The following GPM6B variants were observed in gnomAD, a reference collection of about 807,000 sequenced individuals.
The protein encoded by GPM6B is neuronal membrane glycoprotein M6-b.
In GPM6B, 4 loss-of-function variants were observed where a neutral mutation model predicts 27.2. The observed-to-expected ratio is 0.15, with a 90% CI of 0.07 to 0.34. The LOEUF is 0.34. Ranked by LOEUF, GPM6B falls within the 10% of genes least tolerant of loss-of-function variation. The pLI is 1.00. For missense variants in GPM6B, 183 were observed against 261.9 expected, an observed-to-expected ratio of 0.70 and a Z score of 2.08; for synonymous variants, 124 against 103.1, an observed-to-expected ratio of 1.20 and a Z score of -1.23.
At chrX:13,854,206 C>T (rs771576512) in intron 1 of GPM6B, among the ~76,000 whole-genome samples, 1 of 111,720 alleles carries the variant, frequency 9.0e-6, no homozygotes, top group African/African-American at 3.3e-5. Flanking sequence ...ACTCCAGGCA[C>T]TGCTGCAGGG....
chrX:13,777,828 T>C (rs1343492012), intron 5 of GPM6B, among the ~76,000 whole-genome samples: 1 of 112,048 alleles, frequency 8.9e-6, no homozygotes, highest in African/African-American at 3.2e-5. Flanking sequence ...AATGCTGTGG[T>C]CTGTGGCCTT....
chrX:13,871,094 CAAAACAAAACAAAACAAAACAA>C (rs2049971898), intron 1 of GPM6B, among the ~76,000 whole-genome samples: 1 of 35,875 alleles, frequency 2.8e-5, no homozygotes, highest in Non-Finnish European at 7.7e-5. Context: ...CAAAACAAAA[CAAAACAAAACAAAACAAAACAA>C]AAAAAAAAGA....
chrX:13,863,314 A>T (rs181868669), intron 1 of GPM6B, among the ~76,000 whole-genome samples: 79 of 111,688 alleles, frequency 7.1e-4, no homozygotes, highest in African/African-American at 2.3e-3. Context: ...ACATGCTAAG[A>T]CTATTGGGAA....
chrX:13,795,742 C>CTTTTT (rs146240939), intron 2 of GPM6B, among the ~76,000 whole-genome samples: 30 of 82,749 alleles, frequency 3.6e-4, no homozygotes, highest in Non-Finnish European at 4.2e-4. Context: ...AATTTCTTTT[C>CTTTTT]TTTTTTTTTT....
At chrX:13,918,003 C>G (rs2050444883) in intron 1 of GPM6B, among the ~76,000 whole-genome samples, 1 of 112,641 alleles carries the variant, frequency 8.9e-6, no homozygotes, top group Non-Finnish European at 1.9e-5. Flanking sequence ...ATTAAGATAG[C>G]CAGCTACTAT....
At position 13,921,572 on chromosome X, in the gene GPM6B, AC is replaced by A. The variant is rs1555932310; in HGVS notation, c.-198+16754del. ...GAGCAGTTTTGCAACCACATTTATA[AC>A]CCCCCCCCTTTTTTTTTTTTTAGAC... is the stretch of plus-strand genomic sequence containing the variant. On this transcript the variant is annotated intron_variant, in intron 1 of 6. Transcript: ENST00000398361. 1.7e-4 allele frequency among the ~76,000 whole-genome samples: 12 copies of A among 69,332 alleles called. No individual in the cohort carries two copies. In the South Asian group the frequency reaches 3.4e-3, roughly 20 times the overall value. The allele number at this position is 69,332 out of a possible 115,157, so 60.2% of individuals were successfully genotyped here.
At chrX:13,924,485 T>C (rs1012194176) in intron 1 of GPM6B, among the ~76,000 whole-genome samples, 2 of 110,233 alleles carry the variant, frequency 1.8e-5, no homozygotes, top group Admixed American at 9.7e-5. Flanking sequence ...TTTAGTTTAA[T>C]AGAAACAGGG....
At chrX:13,866,093 G>A (rs1050091167) in intron 1 of GPM6B, among the ~76,000 whole-genome samples, 1 of 112,030 alleles carries the variant, frequency 8.9e-6, no homozygotes, top group Admixed American at 9.4e-5. Context: ...GCCGGGCGCA[G>A]TGGCTCACGC....
intron 1 of GPM6B, among the ~76,000 whole-genome samples, chrX:13,931,106 C>T (rs1334157684): frequency 1.8e-5 from 2 of 111,675 alleles, no homozygotes; most frequent in African/African-American, 6.5e-5. Context: ...ATCGCTTGGA[C>T]CCAAGAGGCT....
intron 1 of GPM6B, among the ~76,000 whole-genome samples, chrX:13,897,140 A>C (rs1330961235): frequency 8.9e-6 from 1 of 112,192 alleles, no homozygotes; most frequent in Non-Finnish European, 1.9e-5. Flanking sequence ...TCAGTCTGTA[A>C]AGTCCCACTG....
intron 1 of GPM6B, among the ~76,000 whole-genome samples, chrX:13,919,469 G>A (rs1016289319): frequency 2.7e-5 from 3 of 112,083 alleles, no homozygotes; most frequent in Non-Finnish European, 5.6e-5. Flanking sequence ...TCACAAAGAT[G>A]TTAAAGATGC....
chrX:13,796,969 A>T (rs1204200628), intron 2 of GPM6B, among the ~76,000 whole-genome samples: 1 of 112,587 alleles, frequency 8.9e-6, no homozygotes, highest in Non-Finnish European at 1.9e-5. Flanking sequence ...AATCATGGAG[A>T]TCAATGGAGA....
In GPM6B at chrX:13,905,242, AAAAAG is replaced by A. The variant is rs1172216630; in HGVS notation, c.-198+33080_-198+33084del. Among the ~76,000 whole-genome samples, 225 of 107,873 alleles carry A rather than the reference AAAAAG, an allele frequency of 2.1e-3. 1 individual carries two copies. Among genetic ancestry groups the A allele is most frequent in the African/African-American group, 7.0e-3 (206 of 29,332 alleles). The allele number at this position is 107,873 out of a possible 115,157, so 93.7% of individuals were successfully genotyped here. A position where few individuals can be genotyped will look rare whatever the true frequency, so the allele number is the denominator to read the frequency against. On this transcript the variant is annotated intron_variant, in intron 1 of 6. Coordinates refer to the GPM6B transcript ENST00000398361. ...TGAGGCCCTGTCTCAAAAAAAAAAAAAAAAGAAAAGAAAAGAAAAGAAAAATTCAA... is the reference window on the plus strand; with the variant it reads ...TGAGGCCCTGTCTCAAAAAAAAAAAAAAAAGAAAAGAAAAGAAAAATTCAA...
intron 2 of GPM6B, among the ~76,000 whole-genome samples, chrX:13,787,914 A>T (rs2048643478): frequency 8.9e-6 from 1 of 112,557 alleles, no homozygotes; most frequent in African/African-American, 3.2e-5. Flanking sequence ...TCTGGTTCTT[A>T]AAGGATAAAG....
chrX:13,775,298 G>A (rs886071412), intron 7 of GPM6B, among the ~76,000 whole-genome samples: 7 of 112,862 alleles, frequency 6.2e-5, no homozygotes, highest in African/African-American at 1.6e-4. Flanking sequence ...CACTTCTTTC[G>A]CAGTTATTAG....
chrX:13,829,859 A>ATT lies in GPM6B; in HGVS notation c.-197-44053_-197-44052dup, dbSNP rs34742721. 8.7e-3 allele frequency among the ~76,000 whole-genome samples: 772 copies of ATT among 88,423 alleles called. 7 individuals are homozygous for ATT. Among genetic ancestry groups the ATT allele is most frequent in the Middle Eastern group, 0.013 (2 of 158 alleles). The allele number at this position is 88,423 out of a possible 115,157, so 76.8% of individuals were successfully genotyped here. ...CAAGTCCAAATTAAATCTGTCCTGA[A>ATT]TTTTTTTTTTTTTTTTTTTTTTAAA... On this transcript the variant is annotated intron_variant, in intron 1 of 6. Transcript: ENST00000398361.
intron 3 of GPM6B, among the ~76,000 whole-genome samples, chrX:13,785,189 A>G (rs1027967315): frequency 8.9e-6 from 1 of 111,914 alleles, no homozygotes; most frequent in African/African-American, 3.3e-5. Flanking sequence ...TTCTAACTAC[A>G]TAAAGTGAGC....
chrX:13,860,389 T>C (rs1052769913), intron 1 of GPM6B, among the ~76,000 whole-genome samples: 2 of 108,866 alleles, frequency 1.8e-5, no homozygotes, highest in African/African-American at 3.4e-5. Flanking sequence ...ATGGCTCCCA[T>C]GAGGAGCCCA....
chrX:13,932,120 G>C (rs1310663521), intron 1 of GPM6B, among the ~76,000 whole-genome samples: 3 of 111,619 alleles, frequency 2.7e-5, no homozygotes, highest in Admixed American at 9.5e-5. Flanking sequence ...TGACCAACAG[G>C]GTAATGACCA....
Sources: gnomAD v4.1 joint callset for allele counts (sites outside exome capture counted in the v4.1 genomes callset) on GRCh38, gnomAD v4.1.1 for gene constraint, MANE v1.5 for transcripts, NCBI Gene and HGNC (gene_info 2026-07-23, HGNC 2026-07-21) for gene names.